MASP1: variants seen among roughly 807,000 people sequenced by gnomAD.
MASP1 encodes MBL associated serine protease 1.
In MASP1, 59 loss-of-function variants were observed where a neutral mutation model predicts 77.1. The observed-to-expected ratio is 0.77, with a 90% CI of 0.62 to 0.95. The LOEUF (loss-of-function observed/expected upper bound fraction) is 0.95. Among genes scored for constraint, MASP1 ranks in the 40% least tolerant of loss-of-function variants. The pLI is 0.00. For missense variants in MASP1, 885 were observed against 912.9 expected (o/e 0.97, Z 0.39); for synonymous variants, 362 against 354.5 (o/e 1.02, Z -0.24).
At position 187,234,427 on chromosome 3, in the gene MASP1, G is replaced by A. The variant is rs1712965952; in HGVS notation, c.*1257C>T. 1 of 1,285,970 alleles carries A rather than the reference G, an allele frequency of 7.8e-7. No individual in the cohort carries two copies. Among genetic ancestry groups the A allele is most frequent in the African/African-American group, 1.5e-5 (1 of 65,908 alleles). 79.7% of individuals were successfully genotyped at this position (1,285,970 alleles called of 1,614,324 possible). On this transcript the variant is annotated 3_prime_UTR_variant, in exon 11 of 11. Transcript: ENST00000296280. ...CTCCAGCTAGAAGGAACCTGCAGGG[G>A]ACCTTATGCCAGCCTGTTGCTGACG...
Position 187,234,451 on chromosome 3 carries a change from C to T in MASP1, c.*1233G>A, listed in dbSNP as rs926719641. The T allele has an allele frequency of 7.5e-5, 97 of 1,285,644 alleles. No homozygotes were observed. The highest frequency in any genetic ancestry group is 5.6e-4 in the East Asian group (10 of 18,018). 79.6% of individuals were successfully genotyped at this position (1,285,644 alleles called of 1,614,324 possible). ...GGACCTTATGCCAGCCTGTTGCTGA[C>T]GGAGAACCAGAGACTCAGACAAAGA... is the stretch of plus-strand genomic sequence containing the variant. On this transcript the variant is annotated 3_prime_UTR_variant, in exon 11 of 11. Transcript: ENST00000296280.
At chr3:187,218,143 CATACCAGAA>C (rs1208434315) in exon 16 of MASP1, 1 of 152,280 alleles carries the variant, frequency 6.6e-6, no homozygotes. Context: ...CCAAAACCTT[CATACCAGAA>C]TGGTCTTTCT....
At chr3:187,229,663 G>A (rs1712647471), downstream of MASP1, 2 of 1,484,328 alleles carry the variant, frequency 1.3e-6, no homozygotes, top group South Asian at 2.4e-5. Flanking sequence ...GTGCCCTGAT[G>A]CTAGTGTGCA....
intron 13 of MASP1, among the ~76,000 whole-genome samples, chr3:187,224,344 T>C (rs1391740428): frequency 7.2e-6 from 1 of 138,524 alleles, no homozygotes; most frequent in Non-Finnish European, 1.5e-5. Flanking sequence ...CTGAGTATTT[T>C]TTTTTTTTTT....
At chr3:187,278,203 A>G (rs189321883) in intron 2 of MASP1, among the ~76,000 whole-genome samples, 10 of 152,354 alleles carry the variant, frequency 6.6e-5, no homozygotes, top group African/African-American at 2.2e-4. Flanking sequence ...CAACTGCTCC[A>G]GTAAGAAGTG....
At chr3:187,245,336 C>T (rs559032684) in intron 8 of MASP1, among the ~76,000 whole-genome samples, 4 of 152,064 alleles carry the variant, frequency 2.6e-5, no homozygotes, top group Non-Finnish European at 4.4e-5. Flanking sequence ...TCCACCTGAC[C>T]GCCCAGTTCA....
At chr3:187,290,138 G>A (rs1435350212) in intron 1 of MASP1, among the ~76,000 whole-genome samples, 1 of 152,206 alleles carries the variant, frequency 6.6e-6, no homozygotes, top group Non-Finnish European at 1.5e-5. Flanking sequence ...AGACTTGTAA[G>A]GGGAGGTGGA....
chr3:187,247,008 T>A, intron 8 of MASP1: 2 of 1,258,246 alleles, frequency 1.6e-6, no homozygotes, highest in Non-Finnish European at 2.0e-6. Flanking sequence ...GTATATTAAA[T>A]CTTTTGTCTC....
chr3:187,259,195 G>A (rs1715352913), intron 4 of MASP1, among the ~76,000 whole-genome samples: 1 of 152,142 alleles, frequency 6.6e-6, no homozygotes, highest in Admixed American at 6.5e-5. Context: ...GGATGTCAAT[G>A]TTTCTACGCC....
At chr3:187,246,721 T>C (rs536167104) in intron 8 of MASP1, 2 of 985,568 alleles carry the variant, frequency 2.0e-6, no homozygotes, top group South Asian at 9.3e-5. Flanking sequence ...ACATAGAACT[T>C]GTAAGCCCCA....
At chr3:187,225,805 T>C (rs1712394923) in intron 12 of MASP1, among the ~76,000 whole-genome samples, 1 of 152,254 alleles carries the variant, frequency 6.6e-6, no homozygotes, top group Non-Finnish European at 1.5e-5. Flanking sequence ...GTGTCAAACA[T>C]GACCTCCTCC....
chr3:187,282,570 A>T (rs1035689746), intron 2 of MASP1, among the ~76,000 whole-genome samples: 17 of 147,312 alleles, frequency 1.2e-4, no homozygotes, highest in Non-Finnish European at 1.5e-5. Flanking sequence ...ACTTAAGATG[A>T]GATGCGTCCC....
chr3:187,219,917 AG>A, exon 16 of MASP1: 1 of 742,258 alleles, frequency 1.3e-6, no homozygotes, highest in Non-Finnish European at 2.3e-6. Flanking sequence ...GAGAGTGAAA[AG>A]GGGGTGAAGA....
chr3:187,291,627 C>A lies in MASP1; in HGVS notation c.5+1G>T. On this transcript the variant is annotated splice_donor_variant, in intron 1 of 10. Transcript: ENST00000296280. LOFTEE classifies it high-confidence loss of function. ...GTGCCCTCTCCTCCCCTGGCACGTA[C>A]CTCATTTTCCTGCCTTGGGTGCTCC... The A allele has an allele frequency of 1.2e-6, 2 of 1,614,194 alleles. No individual in the cohort carries two copies. Among genetic ancestry groups the A allele is most frequent in the Non-Finnish European group, 1.7e-6 (2 of 1,180,012 alleles).
chr3:187,240,035 C>G (rs1349563170), intron 10 of MASP1, among the ~76,000 whole-genome samples: 1 of 151,970 alleles, frequency 6.6e-6, no homozygotes, highest in African/African-American at 2.4e-5. Flanking sequence ...GGCTATGTCC[C>G]AAACTGGCTA....
chr3:187,251,389 T>C (rs554772550), intron 7 of MASP1: 208 of 502,748 alleles, frequency 4.1e-4, no homozygotes, highest in African/African-American at 3.0e-3. Flanking sequence ...ATTTTAAAAA[T>C]TCAAACCAGC....
intron 10 of MASP1, among the ~76,000 whole-genome samples, chr3:187,236,936 G>T (rs993705291): frequency 9.2e-5 from 14 of 152,154 alleles, no homozygotes; most frequent in African/African-American, 3.1e-4. Context: ...TAGAAAGGCA[G>T]GTCTTATTTC....
At chr3:187,243,766 C>T in intron 8 of MASP1, 145 bp from the exon 9 acceptor site, 1 of 991,032 alleles carries the variant, frequency 1.0e-6, no homozygotes. Context: ...AAGGGCACCC[C>T]TGGGGTGTGC....
intron 11 of MASP1, among the ~76,000 whole-genome samples, chr3:187,226,791 C>A (rs1712463267): frequency 6.6e-6 from 1 of 152,170 alleles, no homozygotes; most frequent in South Asian, 2.1e-4. Flanking sequence ...CCTTTAAGCC[C>A]ATGGCATTGG....
Sources: gnomAD v4.1 joint callset for allele counts (sites outside exome capture counted in the v4.1 genomes callset) on GRCh38, gnomAD v4.1.1 for gene constraint, MANE v1.5 for transcripts, NCBI Gene and HGNC (gene_info 2026-07-23, HGNC 2026-07-21) for gene names.